The following ELMO1 variants were observed in gnomAD, a reference collection of about 807,000 sequenced individuals.
ELMO1 encodes engulfment and cell motility 1.
A neutral mutation model predicts 98.9 loss-of-function variants in ELMO1; 26 were observed. That is an observed-to-expected ratio of 0.26 (90% CI 0.19 to 0.36). The LOEUF is 0.36. ELMO1 is among the 10% of genes least tolerant of loss of function. ELMO1 has a pLI of 1.00. For synonymous variants in ELMO1, 346 were observed against 346.0 expected, an observed-to-expected ratio of 1.00 and a Z score of 0.00; for missense variants, 627 against 935.2, an observed-to-expected ratio of 0.67 and a Z score of 4.30.
chr7:37,067,028 C>A (rs548866282), intron 15 of ELMO1, among the ~76,000 whole-genome samples: 1 of 152,272 alleles, frequency 6.6e-6, no homozygotes, highest in East Asian at 1.9e-4. Context: ...ATCTGGGAAA[C>A]TTTTGGGGCA....
intron 3 of ELMO1, 139 bp downstream of exon 3, chr7:37,315,781 C>T: frequency 1.3e-6 from 1 of 780,752 alleles, no homozygotes; most frequent in South Asian, 1.6e-5. Context: ...TGTGATATTC[C>T]TACACAGTAA....
intron 13 of ELMO1, among the ~76,000 whole-genome samples, chr7:37,174,888 C>T (rs1790416762): frequency 1.3e-5 from 2 of 152,092 alleles, no homozygotes; most frequent in Admixed American, 1.3e-4. Context: ...CAATAAGCCA[C>T]ACCACAAATG....
chr7:37,349,539 C>T (rs541665633), intron 1 of ELMO1, among the ~76,000 whole-genome samples: 6 of 152,210 alleles, frequency 3.9e-5, no homozygotes, highest in South Asian at 4.1e-4. Flanking sequence ...CTGTAACCTC[C>T]GCCCCCCGGG....
At chr7:37,184,253 CTT>C (rs1247995569) in intron 13 of ELMO1, among the ~76,000 whole-genome samples, 3 of 152,184 alleles carry the variant, frequency 2.0e-5, no homozygotes, top group Non-Finnish European at 1.5e-5. Context: ...AGATAGTTCT[CTT>C]GTCTGTGCAC....
chr7:37,374,268 G>T (rs1372092276), intron 1 of ELMO1, among the ~76,000 whole-genome samples: 1 of 152,248 alleles, frequency 6.6e-6, no homozygotes, highest in Non-Finnish European at 1.5e-5. Context: ...GAGAGAAGGA[G>T]AGGGGAGGCT....
intron 1 of ELMO1, chr7:37,352,899 C>T (rs566791261): frequency 6.6e-6 from 1 of 152,302 alleles, no homozygotes; most frequent in Admixed American, 6.5e-5. Flanking sequence ...CTTGGGACCT[C>T]TAGGATATAA....
chr7:37,157,605 T>C (rs998558707), intron 13 of ELMO1, among the ~76,000 whole-genome samples: 2 of 152,120 alleles, frequency 1.3e-5, no homozygotes, highest in Non-Finnish European at 1.5e-5. Context: ...TTACAAGGGA[T>C]GTGAAGGAAC....
At chr7:37,334,443 T>C (rs60985588) in intron 2 of ELMO1, among the ~76,000 whole-genome samples, 1 of 152,044 alleles carries the variant, frequency 6.6e-6, no homozygotes, top group East Asian at 1.9e-4. Flanking sequence ...CAAAACTCCA[T>C]CTCAACAACA....
intron 16 of ELMO1, among the ~76,000 whole-genome samples, chr7:36,959,088 T>G (rs1489780786): frequency 2.0e-5 from 3 of 152,152 alleles, no homozygotes; most frequent in African/African-American, 7.2e-5. Flanking sequence ...CATACTTGAC[T>G]TCATCAGTCT....
At chr7:36,967,444 G>A (rs536492857) in intron 16 of ELMO1, among the ~76,000 whole-genome samples, 6 of 152,288 alleles carry the variant, frequency 3.9e-5, no homozygotes, top group African/African-American at 1.2e-4. Context: ...CTAACCCAGC[G>A]TGGCATCAGT....
chr7:37,306,305 C>G (rs1032922674), intron 4 of ELMO1, among the ~76,000 whole-genome samples: 1 of 152,124 alleles, frequency 6.6e-6, no homozygotes, highest in African/African-American at 2.4e-5. Context: ...TTAGAGAACA[C>G]TACAGCAGTT....
intron 2 of ELMO1, among the ~76,000 whole-genome samples, chr7:37,321,484 A>G (rs1284877793): frequency 6.6e-6 from 1 of 151,930 alleles, no homozygotes; most frequent in Non-Finnish European, 1.5e-5. Context: ...TTGGGAGGCC[A>G]AGGCAGGCAG....
intron 15 of ELMO1, among the ~76,000 whole-genome samples, chr7:37,039,344 C>T (rs1016646673): frequency 6.6e-6 from 1 of 152,180 alleles, no homozygotes; most frequent in East Asian, 1.9e-4. Flanking sequence ...GCCTCCTGGG[C>T]ACTCTGACTG....
Position 36,855,675 on chromosome 7 carries a change from T to C in ELMO1, c.2060A>G (p.Asp687Gly). The change falls in exon 22 of 22, where the codon GAC becomes GGC. Residue 687 changes from aspartate to glycine, a missense_variant. Physicochemically the swap from Asp to Gly is moderately conservative, Grantham distance 94. This residue lies in a region of ELMO1 where 492 missense variants were observed against 715.6 expected (regional missense o/e 0.69). Coordinates refer to ENST00000310758, the MANE Select transcript of ELMO1 (RefSeq NM_014800.11). This position sits in a 1 kb window ranked among gnomAD's most constrained non-coding sequence, Gnocchi z 4.2. The part of the protein sequence containing the change: ...MMSDLTRNDL[D>G]TLLSMEIKLR... ...CTTGATTTCCATGCTGAGCAGGGTG[T>C]CCAGGTCATTCCGCGTCAGGTCGCT... The C allele has an allele frequency of 1.2e-6, 2 of 1,614,122 alleles. No individual in the cohort carries two copies. The highest frequency in any genetic ancestry group is 1.7e-6 in the Non-Finnish European group (2 of 1,179,992).
intron 1 of ELMO1, among the ~76,000 whole-genome samples, chr7:37,423,504 C>T (rs10235119): frequency 0.033 from 4,954 of 152,208 alleles, 277 homozygotes; most frequent in African/African-American, 0.11. Flanking sequence ...CGCTTGAACC[C>T]GGGAGGCGGA....
intron 1 of ELMO1, among the ~76,000 whole-genome samples, chr7:37,414,007 T>A (rs1804107499): frequency 6.6e-6 from 1 of 150,398 alleles, no homozygotes; most frequent in Admixed American, 6.7e-5. Context: ...AGAGGGAAAC[T>A]GTGAAGTAGC....
chr7:37,362,930 C>T (rs561062083), intron 1 of ELMO1, among the ~76,000 whole-genome samples: 3 of 152,318 alleles, frequency 2.0e-5, no homozygotes, highest in African/African-American at 7.2e-5. Flanking sequence ...GTTCTCTCTT[C>T]CCTTGCCACA....
At chr7:37,422,889 C>T (rs1402340739) in intron 1 of ELMO1, among the ~76,000 whole-genome samples, 1 of 152,230 alleles carries the variant, frequency 6.6e-6, no homozygotes, top group Admixed American at 6.5e-5. Context: ...ATAACAAAAG[C>T]TACCATTTAT....
chr7:37,077,312 TG>T (rs1290879343), intron 15 of ELMO1, among the ~76,000 whole-genome samples: 4 of 152,090 alleles, frequency 2.6e-5, no homozygotes, highest in Non-Finnish European at 5.9e-5. Context: ...GGCTGAGAAG[TG>T]GGTCTGAATT....
Sources: gnomAD v4.1 joint callset for allele counts (sites outside exome capture counted in the v4.1 genomes callset) on GRCh38, gnomAD v4.1.1 for gene constraint, gnomAD v4.1.1 regional missense constraint, Gnocchi (gnomAD v3.1) non-coding constraint, MANE v1.5 for transcripts, NCBI Gene and HGNC (gene_info 2026-07-23, HGNC 2026-07-21) for gene names.